SLC9A9: variants seen among roughly 807,000 people sequenced by gnomAD.
SLC9A9 encodes sodium/hydrogen exchanger 9.
A neutral mutation model predicts 77.8 loss-of-function variants in SLC9A9; 62 were observed. The observed-to-expected ratio is 0.80, with a 90% CI of 0.65 to 0.98. The LOEUF (loss-of-function observed/expected upper bound fraction) is 0.98, where lower values mean the gene tolerates loss of function less well. SLC9A9 is among the 50% of genes least tolerant of loss of function. SLC9A9 has a pLI of 0.00. For synonymous variants in SLC9A9, 320 were observed against 283.5 expected, an observed-to-expected ratio of 1.13 and a Z score of -1.29; for missense variants, 775 against 774.9, an observed-to-expected ratio of 1.00 and a Z score of 0.00.
At chr3:143,269,323 T>A (rs1195651004) in intron 14 of SLC9A9, among the ~76,000 whole-genome samples, 1 of 152,230 alleles carries the variant, frequency 6.6e-6, no homozygotes, top group African/African-American at 2.4e-5. Flanking sequence ...AGATTGTATT[T>A]TCTTAAAACT....
intron 5 of SLC9A9, among the ~76,000 whole-genome samples, chr3:143,655,301 C>A (rs748078549): frequency 6.6e-6 from 1 of 152,158 alleles, no homozygotes; most frequent in Non-Finnish European, 1.5e-5. Flanking sequence ...TCTGCCCACA[C>A]CTTGCAAGGC....
intron 4 of SLC9A9, among the ~76,000 whole-genome samples, chr3:143,755,678 A>G (rs891938144): frequency 7.2e-5 from 11 of 152,184 alleles, no homozygotes; most frequent in Non-Finnish European, 1.6e-4. Flanking sequence ...ACTGAAAATG[A>G]ATATTATTTC....
At chr3:143,530,654 A>AAAAC (rs201091337) in intron 9 of SLC9A9, among the ~76,000 whole-genome samples, 89 of 134,368 alleles carry the variant, frequency 6.6e-4, no homozygotes, top group African/African-American at 2.0e-3. Context: ...AAAACAAAAC[A>AAAAC]AAACAAACAA....
chr3:143,688,655 G>A (rs1576660584), intron 5 of SLC9A9, among the ~76,000 whole-genome samples: 1 of 151,982 alleles, frequency 6.6e-6, no homozygotes, highest in Admixed American at 6.6e-5. Flanking sequence ...TAGTGACCAG[G>A]CCATTCCTAA....
At chr3:143,508,604 G>A (rs1186494039) in intron 9 of SLC9A9, among the ~76,000 whole-genome samples, 1 of 152,136 alleles carries the variant, frequency 6.6e-6, no homozygotes, top group Admixed American at 6.5e-5. Flanking sequence ...AAAACTTTCT[G>A]AATTCGGTAG....
chr3:143,498,442 T>G (rs1484167527), intron 9 of SLC9A9, among the ~76,000 whole-genome samples: 1 of 152,038 alleles, frequency 6.6e-6, no homozygotes, highest in Non-Finnish European at 1.5e-5. Flanking sequence ...TGGTTCCAGC[T>G]ACTTGTGAGG....
intron 14 of SLC9A9, among the ~76,000 whole-genome samples, chr3:143,348,613 A>T (rs943977710): frequency 4.6e-5 from 7 of 152,188 alleles, no homozygotes; most frequent in African/African-American, 1.7e-4. Context: ...TTAAGAAAGT[A>T]TCTTTTGTTT....
chr3:143,794,922 A>T lies in SLC9A9; in HGVS notation c.533+79T>A. 7 of 1,288,256 alleles carry T rather than the reference A, an allele frequency of 5.4e-6. No homozygotes were observed. In the South Asian group the frequency reaches 8.5e-5, roughly 16 times the overall value. The allele number at this position is 1,288,256 out of a possible 1,614,324, so 79.8% of individuals were successfully genotyped here. A position where few individuals can be genotyped will look rare whatever the true frequency, so the allele number is the denominator to read the frequency against. On this transcript the variant is annotated intron_variant, in intron 4 of 15. Transcript: ENST00000316549. ...AAAGACAATTTTCCCAGCCAGCAAG[A>T]ATCCTGGAAGTGTTAGATCCCTCAC...
Position 143,578,610 on chromosome 3 carries a change from G to T in SLC9A9, c.869C>A (p.Ser290Tyr). ...CAGTGCTGTGATGATGGCATACGCAGACCCCATTGCAAATGAGCCAGCGAA... is the reference window on the plus strand; with the variant it reads ...CAGTGCTGTGATGATGGCATACGCATACCCCATTGCAAATGAGCCAGCGAA... ...GIFAGSFAMG[S>Y]AYAIITALLT... The change falls in exon 7 of 16, where the codon TCT becomes TAT. Residue 290 changes from serine to tyrosine, a missense_variant. Ser to Tyr is a moderately radical substitution (Grantham distance 144, BLOSUM62 -2). Transcript: ENST00000316549. 6.2e-7 allele frequency: 1 copy of T among 1,614,050 alleles called. No homozygotes were observed. The highest frequency in any genetic ancestry group is 8.5e-7 in the Non-Finnish European group (1 of 1,179,930).
At chr3:143,394,106 C>T (rs994741392) in intron 12 of SLC9A9, among the ~76,000 whole-genome samples, 5 of 152,170 alleles carry the variant, frequency 3.3e-5, no homozygotes, top group Non-Finnish European at 7.3e-5. Context: ...TTTTATGAGG[C>T]CAGCATCATC....
At chr3:143,396,298 A>G (rs1271743532) in intron 12 of SLC9A9, among the ~76,000 whole-genome samples, 1 of 152,200 alleles carries the variant, frequency 6.6e-6, no homozygotes, top group East Asian at 1.9e-4. Context: ...TGTCCTTTGT[A>G]GGGACATGGA....
At chr3:143,361,617 G>A (rs189455710) in intron 14 of SLC9A9, among the ~76,000 whole-genome samples, 1 of 152,326 alleles carries the variant, frequency 6.6e-6, no homozygotes, top group East Asian at 1.9e-4. Context: ...ATATATTTGT[G>A]TAGTGACGGC....
At chr3:143,839,767 C>G (rs1365108504) in intron 1 of SLC9A9, among the ~76,000 whole-genome samples, 1 of 152,146 alleles carries the variant, frequency 6.6e-6, no homozygotes, top group Non-Finnish European at 1.5e-5. Context: ...AGGAAGTTGA[C>G]AGAAGAAACA....
intron 4 of SLC9A9, among the ~76,000 whole-genome samples, chr3:143,724,669 A>G (rs1211121957): frequency 6.6e-6 from 1 of 152,248 alleles, no homozygotes; most frequent in East Asian, 1.9e-4. Flanking sequence ...ATTTCAAATT[A>G]TGTAAATAGG....
At chr3:143,676,615 T>C (rs1429969623) in intron 5 of SLC9A9, among the ~76,000 whole-genome samples, 1 of 152,002 alleles carries the variant, frequency 6.6e-6, no homozygotes, top group Non-Finnish European at 1.5e-5. Flanking sequence ...CGTGTGTCTG[T>C]AGTTACAGCT....
chr3:143,304,557 G>A (rs1178575500), intron 14 of SLC9A9, among the ~76,000 whole-genome samples: 8 of 152,216 alleles, frequency 5.3e-5, no homozygotes, highest in Non-Finnish European at 1.5e-5. Context: ...CTTGGGTTAA[G>A]AACTTGGTTT....
chr3:143,402,782 C>T (rs1282505208), intron 12 of SLC9A9, among the ~76,000 whole-genome samples: 12 of 144,196 alleles, frequency 8.3e-5, no homozygotes, highest in Non-Finnish European at 1.4e-4. Flanking sequence ...TTTTCAAATT[C>T]AGTCTGACAG....
intron 9 of SLC9A9, chr3:143,503,322 C>A: frequency 3.3e-6 from 1 of 299,370 alleles, no homozygotes; most frequent in South Asian, 3.0e-5. Context: ...TTGCTGTAGC[C>A]AAATTCATGG....
At chr3:143,819,314 G>T (rs2361199) in intron 2 of SLC9A9, among the ~76,000 whole-genome samples, 127,860 of 152,206 alleles carry the variant, frequency 0.84, 55,429 homozygotes, top group Middle Eastern at 0.94. Context: ...TTGACAGATA[G>T]AAACACTGTT....
Sources: allele counts gnomAD v4.1 joint callset (sites outside exome capture counted in the v4.1 genomes callset), GRCh38; gene constraint gnomAD v4.1.1; transcripts MANE v1.5; gene names NCBI Gene and HGNC (gene_info 2026-07-23, HGNC 2026-07-21).